The following SLC4A2 variants were observed in gnomAD, a reference collection of about 807,000 sequenced individuals.
SLC4A2 encodes solute carrier family 4 member 2, also known as anion exchange protein 2.
Under a neutral mutation model 115.0 loss-of-function variants are expected in SLC4A2, and 36 were observed. The ratio of observed to expected loss-of-function variants is 0.31; its 90% confidence interval spans 0.24 to 0.41. SLC4A2 has a LOEUF of 0.41. SLC4A2 is among the 10% of genes least tolerant of loss of function. The probability of loss-of-function intolerance (pLI) is 1.00; values close to 1 mark genes in which losing one functional copy is unlikely to be tolerated. For synonymous variants in SLC4A2, 708 were observed against 708.3 expected (o/e 1.00, Z 0.01); for missense variants, 1,252 against 1,705.6 (o/e 0.73, Z 4.68).
At chr7:151,063,038 C>A in intron 2 of SLC4A2, 2 of 1,469,826 alleles carry the variant, frequency 1.4e-6, no homozygotes. Context: ...TATTTGGCGG[C>A]GCCTGGAGCT....
chr7:151,065,026 G>A lies in SLC4A2; in HGVS notation c.578+60G>A, dbSNP rs1456376326. 2.6e-6 allele frequency: 3 copies of A among 1,164,588 alleles called. No individual in the cohort carries two copies. The African/African-American group carries it at 4.5e-5, about 18-fold the overall frequency. 72.1% of individuals were successfully genotyped at this position (1,164,588 alleles called of 1,614,324 possible). ...ACACTTCCCCTGCTAGGATAGTGAG[G>A]TGATGCTGGAACAAAGCATGAGCCT... On this transcript the variant is annotated intron_variant, in intron 5 of 22. Transcript: ENST00000413384.
intron 16 of SLC4A2, among the ~76,000 whole-genome samples, chr7:151,073,438 C>A (rs968959472): frequency 1.3e-5 from 2 of 151,988 alleles, no homozygotes; most frequent in Non-Finnish European, 2.9e-5. Context: ...AGGTGCCCAC[C>A]ACGCCCAGCT....
intron 2 of SLC4A2, chr7:151,062,817 A>C: frequency 7.3e-7 from 1 of 1,370,620 alleles, no homozygotes; most frequent in Non-Finnish European, 9.4e-7. Context: ...AGAGGGGAGA[A>C]GCCAGCCCCC....
In SLC4A2 at chr7:151,072,055, C is replaced by T. The variant is rs372791857; in HGVS notation, c.2454C>T (p.Phe818=). Residue 818 remains phenylalanine (F), a synonymous_variant, in exon 16 of 23, where the codon TTC becomes TTT. Coordinates refer to ENST00000413384, the MANE Select transcript of SLC4A2 (RefSeq NM_003040.4). Reference sequence around the variant, plus strand: ...TGGAGGGGAGCTTCCTGGTCCGCTTCGTCTCCCGCTTCACCCAGGAGATCT... The same window carrying T: ...TGGAGGGGAGCTTCCTGGTCCGCTTTGTCTCCCGCTTCACCCAGGAGATCT... ...VALEGSFLVR[F]VSRFTQEIFA... 142 of 1,614,104 alleles carry T rather than the reference C, an allele frequency of 8.8e-5. No homozygotes were observed. The highest frequency in any genetic ancestry group is 1.4e-4 in the South Asian group (13 of 91,084).
chr7:151,071,589 C>A lies in SLC4A2; in HGVS notation c.2175C>A (p.Thr725=). 2 of 1,614,006 alleles carry A rather than the reference C, an allele frequency of 1.2e-6. No individual in the cohort carries two copies. The highest frequency in any genetic ancestry group is 4.5e-5 in the East Asian group (2 of 44,882). The change falls in exon 14 of 23, where the codon ACC becomes ACA. Residue 725 remains threonine (T), a synonymous_variant. Transcript: ENST00000413384. This position sits in a 1 kb window ranked among gnomAD's most constrained non-coding sequence, Gnocchi z 5.5. ...TTGCCGCCCTGTCTCCTGCCATCAC[C>A]TTTGGGGGGCTGCTGGGTGAGGAGA... ...IYFAALSPAI[T]FGGLLGEKTQ...
chr7:151,070,270 G>A lies in SLC4A2; in HGVS notation c.1373G>A (p.Gly458Glu). Residue 458 changes from glycine to glutamate, a missense_variant, in exon 10 of 23, where the codon GGG becomes GAG. Around this residue, in one of 14 missense-constraint regions of SLC4A2, gnomAD observed 142 missense variants for 153.5 expected, o/e 0.93. Transcript: ENST00000413384. ...CTGCTGGGGCATCACCATGGTCAGG[G>A]GGCTGAGAGTGACCCCCACGTCACC... ...GSLLGHHHGQ[G>E]AESDPHVTEP... 6.2e-7 allele frequency: 1 copy of A among 1,614,008 alleles called. No homozygotes were observed.
rs1584977979 is a variant in SLC4A2 at position 151,059,675 on chromosome 7, C to T, written c.-151C>T. On this transcript the variant is annotated 5_prime_UTR_variant, in exon 1 of 23. Transcript: ENST00000413384. This position sits in a 1 kb window ranked among gnomAD's most constrained non-coding sequence, Gnocchi z 5.8. ...CGGCGGGGGCGCGCCCCGGGGTGGGCACGGGGCAGTCGTCGGGAGCGCGCG... is the reference window on the plus strand; with the variant it reads ...CGGCGGGGGCGCGCCCCGGGGTGGGTACGGGGCAGTCGTCGGGAGCGCGCG... 3 of 150,972 alleles carry T rather than the reference C, an allele frequency of 2.0e-5. No individual in the cohort carries two copies. In the South Asian group the frequency reaches 6.2e-4, roughly 31 times the overall value. 9.4% of individuals were successfully genotyped at this position (150,972 alleles called of 1,614,324 possible). A position where few individuals can be genotyped will look rare whatever the true frequency, so the allele number is the denominator to read the frequency against.
In SLC4A2 at chr7:151,065,007, C is replaced by A. The variant is rs778114516; in HGVS notation, c.578+41C>A. 5 of 1,287,910 alleles carry A rather than the reference C, an allele frequency of 3.9e-6. No individual in the cohort carries two copies. In the Admixed American group the frequency reaches 6.8e-5, roughly 17 times the overall value. 79.8% of individuals were successfully genotyped at this position (1,287,910 alleles called of 1,614,324 possible). A position where few individuals can be genotyped will look rare whatever the true frequency, so the allele number is the denominator to read the frequency against. ...TCAACAGTGTCCCCAACAGACACTT[C>A]CCCTGCTAGGATAGTGAGGTGATGC... On this transcript the variant is annotated intron_variant, in intron 5 of 22. Transcript: ENST00000413384.
At chr7:151,070,971 T>C in intron 12 of SLC4A2, 60 bp downstream of exon 12, 1 of 1,593,046 alleles carries the variant, frequency 6.3e-7, no homozygotes. Flanking sequence ...CCAGTCTTGA[T>C]CCCCATGACT....
Position 151,064,776 on chromosome 7 carries a change from G to T in SLC4A2, c.459+9G>T, listed in dbSNP as rs770784785. ...CACCCTCCTCGGTGCAGGTGCGCTGGGTGCGGGCTCCTAGGGCATGTCGGC... is the reference window on the plus strand; with the variant it reads ...CACCCTCCTCGGTGCAGGTGCGCTGTGTGCGGGCTCCTAGGGCATGTCGGC... On this transcript the variant is annotated intron_variant, in intron 4 of 22. Transcript: ENST00000413384. 3.7e-5 allele frequency: 60 copies of T among 1,606,766 alleles called. No individual in the cohort carries two copies. Among genetic ancestry groups the T allele is most frequent in the Non-Finnish European group, 5.0e-5 (59 of 1,174,790 alleles).
chr7:151,068,755 A>C (rs1172652342), intron 8 of SLC4A2, among the ~76,000 whole-genome samples: 1 of 151,912 alleles, frequency 6.6e-6, no homozygotes, highest in African/African-American at 2.4e-5. Flanking sequence ...CCTGGGCTCA[A>C]GTGATTTACC....
Position 151,064,259 on chromosome 7 carries a change from G to A in SLC4A2, c.109G>A (p.Glu37Lys). The A allele has an allele frequency of 3.1e-6, 5 of 1,612,512 alleles. No individual in the cohort carries two copies. The highest frequency in any genetic ancestry group is 3.4e-6 in the Non-Finnish European group (4 of 1,179,932). Residue 37 changes from glutamate to lysine, a missense_variant, in exon 3 of 23, where the codon GAA becomes AAA. Physicochemically the swap from Glu to Lys is moderately conservative, Grantham distance 56 (BLOSUM62 1). Transcript: ENST00000413384. ...TGGGTTCCCCGAGCAGGAGGAAGACGAACTTCACCGCACCCTGGGCGTGGA... is the reference window on the plus strand; with the variant it reads ...TGGGTTCCCCGAGCAGGAGGAAGACAAACTTCACCGCACCCTGGGCGTGGA... Reference protein sequence around the residue: ...TPGFPEQEEDELHRTLGVERF... With the variant: ...TPGFPEQEEDKLHRTLGVERF...
At chr7:151,058,248 C>G (rs925340782), upstream of SLC4A2, 13 of 283,340 alleles carry the variant, frequency 4.6e-5, no homozygotes, top group African/African-American at 2.7e-4. Context: ...CGGGACTACG[C>G]GTTCCAGAAT....
rs1026290631 is a variant in SLC4A2 at position 151,074,465 on chromosome 7, A to G, written c.2857A>G (p.Ser953Gly). 1.2e-6 allele frequency: 2 copies of G among 1,613,920 alleles called. No homozygotes were observed. The highest frequency in any genetic ancestry group is 1.7e-5 in the Admixed American group (1 of 60,002). The change falls in exon 18 of 23, where the codon AGT (serine) becomes GGT (glycine). Residue 953 changes from serine (S) to glycine (G), a missense_variant. Ser to Gly is a moderately conservative substitution (Grantham distance 56). Transcript: ENST00000413384. Reference protein sequence around the residue: ...AILIMVLVDYSIEDTYTQKLS... With the variant: ...AILIMVLVDYGIEDTYTQKLS... Reference sequence around the variant, plus strand: ...CCTCATCATGGTGCTTGTGGATTACAGTATTGAGGACACCTATACCCAGGT... The same window carrying G: ...CCTCATCATGGTGCTTGTGGATTACGGTATTGAGGACACCTATACCCAGGT...
chr7:151,072,264 C>T (rs778464667), intron 16 of SLC4A2, 128 bp downstream of exon 16: 5 of 694,482 alleles, frequency 7.2e-6, no homozygotes, highest in Non-Finnish European at 1.2e-5. Context: ...TTGTTGCCAA[C>T]ACGTATACCA....
chr7:151,064,588 C>T lies in SLC4A2; in HGVS notation c.280C>T (p.Arg94Cys), dbSNP rs757660893. 4.3e-6 allele frequency: 7 copies of T among 1,612,766 alleles called. No individual in the cohort carries two copies. The highest frequency in any genetic ancestry group is 2.2e-5 in the East Asian group (1 of 44,892). ...GTCCACCCACCTGCCTCCGGATGCA[C>T]GCCGCCGCAAGACACCCCAGGGCCC... is the stretch of plus-strand genomic sequence containing the variant. ...PLSTHLPPDA[R>C]RRKTPQGPGR... Residue 94 changes from arginine to cysteine, a missense_variant, in exon 4 of 23, where the codon CGC becomes TGC. Transcript: ENST00000413384.
chr7:151,063,759 C>T (rs1358090038), intron 2 of SLC4A2, among the ~76,000 whole-genome samples: 2 of 152,034 alleles, frequency 1.3e-5, no homozygotes, highest in East Asian at 1.9e-4. Flanking sequence ...GACGGAGTCT[C>T]ACTCTGTCAC....
rs552226242 is a variant in SLC4A2 at position 151,063,339 on chromosome 7, C to T, written c.52-863C>T. 116 of 639,804 alleles carry T rather than the reference C, an allele frequency of 1.8e-4. No homozygotes were observed. The South Asian group carries it at 2.7e-3, about 15-fold the overall frequency. The allele number at this position is 639,804 out of a possible 1,614,324, so 39.6% of individuals were successfully genotyped here. A position where few individuals can be genotyped will look rare whatever the true frequency, so the allele number is the denominator to read the frequency against. On this transcript the variant is annotated intron_variant, in intron 2 of 22. Transcript: ENST00000413384. ...GCTGGGTTTGTTTGACTCGGACAGG[C>T]TCTGGGTCGGTTAGCTTGGGCGCCG...
At chr7:151,070,689 C>T in intron 11 of SLC4A2, 38 bp from the exon 12 acceptor site, 1 of 1,608,572 alleles carries the variant, frequency 6.2e-7, no homozygotes, top group Non-Finnish European at 8.5e-7. Context: ...GGCGGTCCTG[C>T]TGCTCTGCTC....
Sources: allele counts gnomAD v4.1 joint callset (sites outside exome capture counted in the v4.1 genomes callset), GRCh38; gene constraint gnomAD v4.1.1; regional missense constraint gnomAD v4.1.1; non-coding constraint Gnocchi (gnomAD v3.1); transcripts MANE v1.5; gene names NCBI Gene and HGNC (gene_info 2026-07-23, HGNC 2026-07-21).